The following KLHL2 variants were observed in gnomAD, a reference collection of about 807,000 sequenced individuals.
KLHL2 encodes the protein kelch-like protein 2.
Under a neutral mutation model 75.8 loss-of-function variants are expected in KLHL2, and 15 were observed. The observed-to-expected ratio is 0.20, with a 90% confidence interval of 0.13 to 0.30. The LOEUF is 0.30. Ranked by LOEUF, KLHL2 falls within the 10% of genes least tolerant of loss-of-function variation. The pLI is 1.00. For synonymous variants in KLHL2, 214 were observed against 251.9 expected, an observed-to-expected ratio of 0.85 and a Z score of 1.42; for missense variants, 381 against 741.0, an observed-to-expected ratio of 0.51 and a Z score of 5.64.
chr4:165,284,755 C>T (rs1173935432), intron 5 of KLHL2, among the ~76,000 whole-genome samples: 1 of 152,182 alleles, frequency 6.6e-6, no homozygotes, highest in Admixed American at 6.5e-5. Flanking sequence ...CATTTTCACA[C>T]TGCTGATAAA....
chr4:165,243,007 A>G (rs534098408), intron 4 of KLHL2, among the ~76,000 whole-genome samples: 90 of 152,322 alleles, frequency 5.9e-4, no homozygotes, highest in African/African-American at 2.1e-3. Context: ...AGGTTAAATA[A>G]TTTGCTCAGC....
intron 5 of KLHL2, among the ~76,000 whole-genome samples, chr4:165,276,424 C>T (rs1306607951): frequency 1.3e-5 from 2 of 152,074 alleles, no homozygotes; most frequent in African/African-American, 4.8e-5. Flanking sequence ...GCAGACTTCT[C>T]GAAGGGATCA....
chr4:165,257,025 T>A (rs997997415), intron 4 of KLHL2, among the ~76,000 whole-genome samples: 5 of 152,248 alleles, frequency 3.3e-5, no homozygotes, highest in Admixed American at 2.0e-4. Flanking sequence ...TTTATTTTTC[T>A]CTTGTTATTG....
At position 165,260,566 on chromosome 4, in the gene KLHL2, A is replaced by ATG. The variant is rs147601318; in HGVS notation, c.382-2620_382-2619dup. On this transcript the variant is annotated intron_variant, in intron 4 of 14. Coordinates refer to ENST00000226725, the MANE Select transcript of KLHL2 (RefSeq NM_007246.4). ...TTAAAAGCCTGCTACACACACATAT[A>ATG]TGTGTGTGTGTGGGGGGGGTGTATA... Among the ~76,000 whole-genome samples the ATG allele has an allele frequency of 9.4e-3, 1,410 of 150,086 alleles. 19 individuals are homozygous for ATG. The highest frequency in any genetic ancestry group is 0.03 in the African/African-American group (1,246 of 40,922).
chr4:165,268,163 G>A (rs1027539062), intron 5 of KLHL2, among the ~76,000 whole-genome samples: 11 of 151,798 alleles, frequency 7.2e-5, no homozygotes, highest in Admixed American at 1.3e-4. Context: ...TGATATCCCC[G>A]TTATCATTTT....
At chr4:165,249,750 G>GGGT (rs574830946) in intron 4 of KLHL2, among the ~76,000 whole-genome samples, 103 of 152,322 alleles carry the variant, frequency 6.8e-4, no homozygotes, top group African/African-American at 2.3e-3. Flanking sequence ...CTAGAGGGCA[G>GGGT]GGTGCCCTGG....
intron 1 of KLHL2, among the ~76,000 whole-genome samples, chr4:165,214,938 GAT>G (rs1318772674): frequency 1.3e-5 from 2 of 150,900 alleles, no homozygotes; most frequent in East Asian, 3.9e-4. Context: ...AGAAAAAAGA[GAT>G]AGAAGTTTTT....
chr4:165,251,618 T>TTG (rs1020809823), intron 4 of KLHL2, among the ~76,000 whole-genome samples: 6 of 149,718 alleles, frequency 4.0e-5, no homozygotes, highest in South Asian at 2.1e-4. Flanking sequence ...TTTTTTTGTT[T>TTG]TTTTTTTTTG....
chr4:165,211,169 T>C (rs1179932481), intron 1 of KLHL2, among the ~76,000 whole-genome samples: 1 of 152,086 alleles, frequency 6.6e-6, no homozygotes, highest in Non-Finnish European at 1.5e-5. Flanking sequence ...ACCTGTAAAA[T>C]TAAAAAAAGA....
chr4:165,288,863 G>A (rs1048090278), intron 5 of KLHL2, among the ~76,000 whole-genome samples: 5 of 150,316 alleles, frequency 3.3e-5, no homozygotes, highest in African/African-American at 1.2e-4. Flanking sequence ...GATCCTCATG[G>A]TTTTGTGGCT....
At chr4:165,267,430 A>G (rs1236937399) in intron 5 of KLHL2, among the ~76,000 whole-genome samples, 1 of 152,102 alleles carries the variant, frequency 6.6e-6, no homozygotes, top group Non-Finnish European at 1.5e-5. Flanking sequence ...CCCATTCAGT[A>G]TGATATTGGC....
intron 14 of KLHL2, among the ~76,000 whole-genome samples, chr4:165,320,339 T>C (rs1746874275): frequency 6.6e-6 from 1 of 152,222 alleles, no homozygotes; most frequent in Non-Finnish European, 1.5e-5. Flanking sequence ...CTTTTGACTG[T>C]ATAACAAGAA....
intron 8 of KLHL2, among the ~76,000 whole-genome samples, chr4:165,300,299 G>GAA (rs557406496): frequency 6.9e-5 from 6 of 86,894 alleles, no homozygotes; most frequent in African/African-American, 2.2e-4. Flanking sequence ...CTCAAAAAAA[G>GAA]AAAAAAAAAA....
Position 165,207,804 on chromosome 4 carries a change from C to A in KLHL2, c.-73C>A. 1 of 1,339,114 alleles carries A rather than the reference C, an allele frequency of 7.5e-7. No homozygotes were observed. 83.0% of individuals were successfully genotyped at this position (1,339,114 alleles called of 1,614,324 possible). A position where few individuals can be genotyped will look rare whatever the true frequency, so the allele number is the denominator to read the frequency against. Reference sequence around the variant, plus strand: ...AACGCGGCTCGGCGGGCGGGCAGTGCCGGCGTCCGCGGCTGGAATGGTGCT... The same window carrying A: ...AACGCGGCTCGGCGGGCGGGCAGTGACGGCGTCCGCGGCTGGAATGGTGCT... On this transcript the variant is annotated 5_prime_UTR_variant, in exon 1 of 15. The change creates a premature stop within an existing upstream ORF in the 5' untranslated region. Transcript: ENST00000226725. This position sits in a 1 kb window ranked among gnomAD's most constrained non-coding sequence, Gnocchi z 4.2.
intron 11 of KLHL2, among the ~76,000 whole-genome samples, chr4:165,312,650 G>A (rs904919954): frequency 3.3e-5 from 5 of 151,970 alleles, no homozygotes; most frequent in Admixed American, 6.5e-5. Flanking sequence ...GCTCTTACTC[G>A]TATCTTACCC....
intron 6 of KLHL2, among the ~76,000 whole-genome samples, chr4:165,296,635 T>G (rs1321597024): frequency 6.6e-6 from 1 of 152,012 alleles, no homozygotes; most frequent in Non-Finnish European, 1.5e-5. Flanking sequence ...GAGGGCCAGA[T>G]GAGAGGATGT....
chr4:165,317,365 C>CT lies in KLHL2; in HGVS notation c.1610-447dup, dbSNP rs34078288. 7.0e-3 allele frequency among the ~76,000 whole-genome samples: 1,005 copies of CT among 144,476 alleles called. 9 individuals are homozygous for CT. The highest frequency in any genetic ancestry group is 0.039 in the East Asian group (194 of 4,914). 94.8% of individuals were successfully genotyped at this position (144,476 alleles called of 152,430 possible). The stretch of plus-strand genomic sequence containing the variant: ...ATGGTCTCCTAATATAGAAAGAATT[C>CT]TTTTTTTTTTTTTTGGAGACAGAGT... On this transcript the variant is annotated intron_variant, in intron 13 of 14. Coordinates refer to ENST00000226725, the MANE Select transcript of KLHL2 (RefSeq NM_007246.4).
intron 5 of KLHL2, among the ~76,000 whole-genome samples, chr4:165,272,318 AAAAACC>A (rs1417952339): frequency 1.3e-5 from 2 of 152,274 alleles, no homozygotes; most frequent in African/African-American, 4.8e-5. Flanking sequence ...GCATTTTATG[AAAAACC>A]AAAGACAAAT....
At chr4:165,244,851 T>C (rs1029934835) in intron 4 of KLHL2, among the ~76,000 whole-genome samples, 43 of 152,292 alleles carry the variant, frequency 2.8e-4, no homozygotes, top group African/African-American at 1.0e-3. Context: ...CAACAAGTAT[T>C]TTTTTTCTGT....
Sources: gnomAD v4.1 joint callset for allele counts (sites outside exome capture counted in the v4.1 genomes callset) on GRCh38, gnomAD v4.1.1 for gene constraint, Gnocchi (gnomAD v3.1) non-coding constraint, MANE v1.5 for transcripts, NCBI Gene and HGNC (gene_info 2026-07-23, HGNC 2026-07-21) for gene names.